The following CSMD1 variants were observed in gnomAD, a reference collection of about 807,000 sequenced individuals.
CSMD1 encodes the protein CUB and sushi domain-containing protein 1.
Under a neutral mutation model 417.5 loss-of-function variants are expected in CSMD1, and 213 were observed. The ratio of observed to expected loss-of-function variants is 0.51; its 90% CI spans 0.46 to 0.57. The LOEUF (loss-of-function observed/expected upper bound fraction) is 0.57. CSMD1 is among the 20% of genes least tolerant of loss of function. The pLI, the probability that CSMD1 is intolerant of heterozygous loss-of-function variation, is 0.00. For missense variants in CSMD1, 6,923 were observed against 4,529.7 expected, an observed-to-expected ratio of 1.53 and a Z score of -15.17; for synonymous variants, 2,862 against 1,736.8, an observed-to-expected ratio of 1.65 and a Z score of -16.11.
intron 1 of CSMD1, among the ~76,000 whole-genome samples, chr8:4,737,165 A>T (rs1810297605): frequency 6.6e-6 from 1 of 152,150 alleles, no homozygotes; most frequent in African/African-American, 2.4e-5. Flanking sequence ...CAAAAAAAGA[A>T]TGAGATCATG....
rs372451894 is a variant in CSMD1 at position 3,311,431 on chromosome 8, G to C, written c.3632-2928C>G. Among the ~76,000 whole-genome samples, 12 of 152,060 alleles carry C rather than the reference G, an allele frequency of 7.9e-5. No individual in the cohort carries two copies. The East Asian group carries it at 1.4e-3, about 17-fold the overall frequency. On this transcript the variant is annotated intron_variant, in intron 23 of 69. Coordinates refer to ENST00000635120, the MANE Select transcript of CSMD1 (RefSeq NM_033225.6). ...CACCCAGCTAATTTTTGTATTTTTA[G>C]TAGAGTCAGGGTTTCACCACGTTGT... is the stretch of plus-strand genomic sequence containing the variant.
At chr8:3,012,479 T>G (rs1808468897) in intron 52 of CSMD1, among the ~76,000 whole-genome samples, 1 of 152,184 alleles carries the variant, frequency 6.6e-6, no homozygotes, top group South Asian at 2.1e-4. Context: ...TGAGTCATGT[T>G]GCGATGAAAC....
intron 11 of CSMD1, among the ~76,000 whole-genome samples, chr8:3,490,204 G>A (rs900474257): frequency 6.6e-6 from 1 of 152,160 alleles, no homozygotes; most frequent in Non-Finnish European, 1.5e-5. Context: ...ATGCCCAGCT[G>A]ATCCCGGCTG....
intron 51 of CSMD1, among the ~76,000 whole-genome samples, chr8:3,020,348 T>G (rs1809259590): frequency 6.6e-6 from 1 of 152,306 alleles, no homozygotes; most frequent in Non-Finnish European, 1.5e-5. Context: ...AAGTGATGCA[T>G]GTACCACTAA....
intron 1 of CSMD1, among the ~76,000 whole-genome samples, chr8:4,710,151 T>C (rs1476716042): frequency 1.3e-5 from 2 of 151,984 alleles, no homozygotes; most frequent in African/African-American, 2.4e-5. Context: ...GGGGGATTAA[T>C]TCCTGTCTGC....
rs142512765 is a variant in CSMD1 at position 3,568,205 on chromosome 8, C to G, written c.1344+6740G>C. ...ACTGATGTTCACTTGCCAAACAAAA[C>G]AATTGTTGTGGATGTTTGAGTATTT... On this transcript the variant is annotated intron_variant, in intron 10 of 69. Transcript: ENST00000635120. Among the ~76,000 whole-genome samples the G allele has an allele frequency of 2.2e-3, 332 of 152,164 alleles. 4 individuals carry two copies. The highest frequency in any genetic ancestry group is 4.5e-3 in the Admixed American group (68 of 15,272).
At chr8:3,495,378 T>C (rs183065192) in intron 10 of CSMD1, among the ~76,000 whole-genome samples, 7 of 152,240 alleles carry the variant, frequency 4.6e-5, no homozygotes, top group Admixed American at 4.6e-4. Context: ...AAGGTTTGTG[T>C]GTCATGTTTG....
At chr8:4,353,781 A>C (rs967606779) in intron 3 of CSMD1, among the ~76,000 whole-genome samples, 1 of 151,980 alleles carries the variant, frequency 6.6e-6, no homozygotes, top group Non-Finnish European at 1.5e-5. Flanking sequence ...TGATTTACTT[A>C]TTTGCTGGCT....
chr8:4,291,236 T>C (rs928720146), intron 3 of CSMD1, among the ~76,000 whole-genome samples: 12 of 152,024 alleles, frequency 7.9e-5, no homozygotes, highest in Non-Finnish European at 1.5e-4. Flanking sequence ...GCTTATGATA[T>C]GTGCAAATAT....
chr8:4,026,894 G>A (rs962324189), intron 4 of CSMD1, among the ~76,000 whole-genome samples: 1 of 152,018 alleles, frequency 6.6e-6, no homozygotes, highest in African/African-American at 2.4e-5. Context: ...GTAGTATGCT[G>A]CTGAGCGAAT....
chr8:3,106,520 G>C lies in CSMD1; in HGVS notation c.6949+8C>G. On this transcript the variant is annotated splice_region_variant and intron_variant, in intron 46 of 69. Coordinates refer to ENST00000635120, the MANE Select transcript of CSMD1 (RefSeq NM_033225.6). Reference sequence around the variant, plus strand: ...GTTTATGTAGTTTTAGTATCGAACAGTGCATACCTTCACATGTTGGGAGAG... The same window carrying C: ...GTTTATGTAGTTTTAGTATCGAACACTGCATACCTTCACATGTTGGGAGAG... 6.4e-7 allele frequency: 1 copy of C among 1,573,706 alleles called. No individual in the cohort carries two copies.
chr8:4,285,648 T>C (rs1563389721), intron 3 of CSMD1, among the ~76,000 whole-genome samples: 1 of 152,160 alleles, frequency 6.6e-6, no homozygotes, highest in Admixed American at 6.5e-5. Context: ...AGATGGTTGG[T>C]CTTTGCTTTT....
intron 3 of CSMD1, among the ~76,000 whole-genome samples, chr8:4,404,965 C>T (rs574146157): frequency 4.4e-4 from 67 of 152,246 alleles, no homozygotes; most frequent in African/African-American, 1.4e-3. Context: ...ATATGGAAAC[C>T]GAGGCACAAG....
At chr8:4,006,558 A>G (rs1816132658) in intron 4 of CSMD1, among the ~76,000 whole-genome samples, 1 of 152,164 alleles carries the variant, frequency 6.6e-6, no homozygotes, top group Non-Finnish European at 1.5e-5. Context: ...AAATAAATAA[A>G]TAAATAATGG....
chr8:4,508,812 T>C (rs1395892353), intron 2 of CSMD1, among the ~76,000 whole-genome samples: 2 of 152,216 alleles, frequency 1.3e-5, no homozygotes, highest in African/African-American at 4.8e-5. Context: ...ATGTCTACTA[T>C]TTAAAAATAT....
At chr8:4,938,969 G>C (rs749891521) in intron 1 of CSMD1, among the ~76,000 whole-genome samples, 1 of 151,990 alleles carries the variant, frequency 6.6e-6, no homozygotes, top group Non-Finnish European at 1.5e-5. Flanking sequence ...CTAGTCCTTT[G>C]TCCATGTTTA....
intron 26 of CSMD1, among the ~76,000 whole-genome samples, chr8:3,279,364 G>C (rs1051700167): frequency 6.6e-6 from 1 of 152,178 alleles, no homozygotes; most frequent in African/African-American, 2.4e-5. Context: ...TGGACTTCTT[G>C]TCAACTCGAA....
intron 1 of CSMD1, among the ~76,000 whole-genome samples, chr8:4,830,418 G>A (rs1359459465): frequency 1.3e-5 from 2 of 152,168 alleles, no homozygotes; most frequent in Non-Finnish European, 2.9e-5. Context: ...AACTGAACTT[G>A]TATGTTTGGA....
intron 49 of CSMD1, among the ~76,000 whole-genome samples, chr8:3,053,469 C>T (rs900562643): frequency 1.1e-4 from 17 of 152,186 alleles, no homozygotes; most frequent in African/African-American, 3.9e-4. Context: ...TTCATTTTCC[C>T]TAAAGCCCCA....
Sources: allele counts gnomAD v4.1 joint callset (sites outside exome capture counted in the v4.1 genomes callset), GRCh38; gene constraint gnomAD v4.1.1; transcripts MANE v1.5; gene names NCBI Gene and HGNC (gene_info 2026-07-23, HGNC 2026-07-21).